Variants in MLIP observed in about 807,000 individuals in gnomAD.
The protein encoded by MLIP is muscular LMNA interacting protein.
Under a neutral mutation model 84.8 loss-of-function variants are expected in MLIP, and 79 were observed. The observed-to-expected ratio is 0.93, with a 90% confidence interval of 0.78 to 1.12. The LOEUF (loss-of-function observed/expected upper bound fraction) is 1.12, where lower values mean the gene tolerates loss of function less well. Ranked by LOEUF, MLIP falls within the 50% of genes most tolerant of loss-of-function variation. MLIP has a pLI of 0.00. For synonymous variants in MLIP, 504 were observed against 463.0 expected (o/e 1.09, Z -1.14); for missense variants, 1,257 against 1,160.6 (o/e 1.08, Z -1.21).
chr6:54,153,021 G>T (rs1773617915), intron 5 of MLIP, among the ~76,000 whole-genome samples: 1 of 151,886 alleles, frequency 6.6e-6, no homozygotes. Context: ...ATAAAATTAG[G>T]GCTGGGGCTA....
In MLIP at chr6:54,069,526, G is replaced by T. The variant is rs1358653751; in HGVS notation, c.63+50435G>T. Among the ~76,000 whole-genome samples the T allele has an allele frequency of 2.0e-5, 2 of 99,514 alleles. 1 individual carries two copies. Among genetic ancestry groups the T allele is most frequent in the Non-Finnish European group, 5.8e-5 (2 of 34,626 alleles). The allele number at this position is 99,514 out of a possible 152,430, so 65.3% of individuals were successfully genotyped here. A position where few individuals can be genotyped will look rare whatever the true frequency, so the allele number is the denominator to read the frequency against. ...ATGTTCAAGTCCCTGATATAAAATGGTGTAGTATTTGCATATAACCTATGC... is the reference window on the plus strand; with the variant it reads ...ATGTTCAAGTCCCTGATATAAAATGTTGTAGTATTTGCATATAACCTATGC... On this transcript the variant is annotated intron_variant, in intron 1 of 12. Coordinates refer to the MLIP transcript ENST00000274897.
At chr6:54,236,274 C>T (rs1159433979) in intron 12 of MLIP, among the ~76,000 whole-genome samples, 1 of 151,788 alleles carries the variant, frequency 6.6e-6, no homozygotes, top group Non-Finnish European at 1.5e-5. Context: ...CAAGGCAATG[C>T]CCTGCTTTCT....
intron 13 of MLIP, among the ~76,000 whole-genome samples, chr6:54,265,375 T>C (rs2150911121): frequency 6.6e-6 from 1 of 152,230 alleles, no homozygotes; most frequent in South Asian, 2.1e-4. Flanking sequence ...AGAGACTGAA[T>C]GGGTAAAGAA....
intron 1 of MLIP, among the ~76,000 whole-genome samples, chr6:54,082,136 A>G (rs960171712): frequency 6.6e-6 from 1 of 152,018 alleles, no homozygotes; most frequent in Non-Finnish European, 1.5e-5. Flanking sequence ...TTATTTTTAG[A>G]ATGTTTCTGA....
At chr6:54,262,454 A>G (rs182451677) in intron 13 of MLIP, among the ~76,000 whole-genome samples, 70 of 152,162 alleles carry the variant, frequency 4.6e-4, no homozygotes, top group Admixed American at 1.8e-3. Context: ...TTAATTATAC[A>G]TAGTTCATCT....
intron 8 of MLIP, among the ~76,000 whole-genome samples, chr6:54,163,038 A>C (rs1774813998): frequency 6.6e-6 from 1 of 152,022 alleles, no homozygotes; most frequent in African/African-American, 2.4e-5. Flanking sequence ...ATAAGTCTAA[A>C]GAAGTGTTTA....
At position 54,137,343 on chromosome 6, in the gene MLIP, C is replaced by T. The variant is rs1217504115; in HGVS notation, c.1274C>T (p.Pro425Leu). 3.3e-6 allele frequency: 5 copies of T among 1,536,110 alleles called. No homozygotes were observed. In the South Asian group the frequency reaches 5.9e-5, roughly 18 times the overall value. ...CTCACTGCCATTCTCAAGTCAAACC[C>T]TTCCCACCAAAGACCCTTTTCCCCT... is the stretch of plus-strand genomic sequence containing the variant. ...ALLTAILKSN[P>L]SHQRPFSPAS... The change falls in exon 4 of 14, where the codon CCT (proline) becomes CTT (leucine). Residue 425 changes from proline to leucine, a missense_variant. Transcript: ENST00000502396.
chr6:54,119,760 T>C (rs1245080674), intron 1 of MLIP, among the ~76,000 whole-genome samples: 1 of 152,232 alleles, frequency 6.6e-6, no homozygotes, highest in Non-Finnish European at 1.5e-5. Flanking sequence ...GATTTAACTA[T>C]TCCAAGAGTA....
intron 4 of MLIP, among the ~76,000 whole-genome samples, chr6:54,139,809 A>G (rs143502579): frequency 7.9e-4 from 120 of 152,260 alleles, no homozygotes; most frequent in African/African-American, 2.8e-3. Context: ...TATTGCTACA[A>G]AGAAATAACT....
At chr6:54,188,125 T>C (rs1777574108) in intron 9 of MLIP, among the ~76,000 whole-genome samples, 1 of 152,214 alleles carries the variant, frequency 6.6e-6, no homozygotes, top group Non-Finnish European at 1.5e-5. Context: ...GTGGTACATC[T>C]GTATAGTGCA....
chr6:54,250,367 C>G (rs1782386622), intron 12 of MLIP, among the ~76,000 whole-genome samples: 1 of 151,832 alleles, frequency 6.6e-6, no homozygotes, highest in Non-Finnish European at 1.5e-5. Flanking sequence ...GGGTATTTAC[C>G]CAAAGGAATA....
intron 8 of MLIP, among the ~76,000 whole-genome samples, chr6:54,167,451 A>C (rs1473791806): frequency 1.3e-5 from 2 of 151,836 alleles, no homozygotes; most frequent in East Asian, 3.9e-4. Flanking sequence ...TTTCTAGCAT[A>C]CTGTGAAAAA....
At chr6:54,111,396 C>T (rs549188549), upstream of MLIP, 42 of 1,505,754 alleles carry the variant, frequency 2.8e-5, no homozygotes, top group South Asian at 1.4e-4. Context: ...CTTCTTTCTG[C>T]GTGAGTGTGT....
chr6:54,079,987 G>A (rs1482931653), intron 1 of MLIP, among the ~76,000 whole-genome samples: 3 of 152,306 alleles, frequency 2.0e-5, no homozygotes, highest in African/African-American at 7.2e-5. Flanking sequence ...AGCACGGGAT[G>A]GGAAGGAACT....
intron 13 of MLIP, among the ~76,000 whole-genome samples, chr6:54,262,047 A>G (rs1285631655): frequency 6.6e-6 from 1 of 152,028 alleles, no homozygotes. Flanking sequence ...GTAGATAGCC[A>G]CCTTTCCCAG....
intron 9 of MLIP, among the ~76,000 whole-genome samples, chr6:54,188,622 A>G (rs1207096609): frequency 6.6e-6 from 1 of 152,200 alleles, no homozygotes; most frequent in Non-Finnish European, 1.5e-5. Flanking sequence ...CATGAGGTCC[A>G]TCATCAACTG....
chr6:54,151,072 T>C (rs1478586137), intron 5 of MLIP, among the ~76,000 whole-genome samples: 2 of 152,160 alleles, frequency 1.3e-5, no homozygotes, highest in Non-Finnish European at 2.9e-5. Flanking sequence ...CATTATTGTA[T>C]AAGGGCTAGT....
intron 1 of MLIP, among the ~76,000 whole-genome samples, chr6:54,050,586 T>G (rs186671421): frequency 6.6e-6 from 1 of 152,244 alleles, no homozygotes; most frequent in East Asian, 1.9e-4. Context: ...ATAATTTGAG[T>G]TTTTTTGTTT....
intron 11 of MLIP, chr6:54,217,194 C>T (rs1020746158): frequency 2.0e-6 from 2 of 985,180 alleles, no homozygotes; most frequent in African/African-American, 1.7e-5. Context: ...AAAACCGCAG[C>T]GTGAAGAGGG....
Sources: allele counts gnomAD v4.1 joint callset (sites outside exome capture counted in the v4.1 genomes callset), GRCh38; gene constraint gnomAD v4.1.1; transcripts MANE v1.5; gene names NCBI Gene and HGNC (gene_info 2026-07-23, HGNC 2026-07-21).